The following THADA variants were observed in gnomAD, a reference collection of about 807,000 sequenced individuals.
THADA encodes tRNA (32-2'-O)-methyltransferase regulator THADA.
In THADA, 213 loss-of-function variants were observed where a neutral mutation model predicts 219.8. That is an observed-to-expected ratio of 0.97 (90% CI 0.87 to 1.09). The LOEUF (loss-of-function observed/expected upper bound fraction) is 1.09. Ranked by LOEUF, THADA falls within the 50% of genes least tolerant of loss-of-function variation. The pLI is 0.00. For synonymous variants in THADA, 1,018 were observed against 828.9 expected, an observed-to-expected ratio of 1.23 and a Z score of -3.92; for missense variants, 2,956 against 2,311.3, an observed-to-expected ratio of 1.28 and a Z score of -5.72.
rs143275203 is a variant in THADA at position 43,549,324 on chromosome 2, G to A, written c.2992C>T (p.Arg998Ter). 1.0e-5 allele frequency: 16 copies of A among 1,602,850 alleles called. No homozygotes were observed. The highest frequency in any genetic ancestry group is 1.7e-5 in the Admixed American group (1 of 57,772). Residue 998 changes from arginine to a stop codon, truncating the protein, a stop_gained, in exon 20 of 38, where the codon CGA (arginine) becomes TGA (stop). Coordinates refer to ENST00000405975, the MANE Select transcript of THADA (RefSeq NM_022065.5). LOFTEE classifies it high-confidence loss of function. ...TGGTTAAAATAATCATTAGTATCTC[G>A]AGGCTGAATCTCATTCAGAATCATC... ...LQMILNEIQP[R>*]DTNDYFNQAK...
intron 26 of THADA, among the ~76,000 whole-genome samples, chr2:43,430,981 T>A (rs1679185087): frequency 6.6e-6 from 1 of 152,246 alleles, no homozygotes; most frequent in Admixed American, 6.5e-5. Context: ...GCTGAACTTG[T>A]AAGAATTATC....
chr2:43,415,115 A>C (rs1057345680), intron 28 of THADA, among the ~76,000 whole-genome samples: 2 of 152,226 alleles, frequency 1.3e-5, no homozygotes, highest in Non-Finnish European at 2.9e-5. Context: ...GTCAAAACCA[A>C]AGAAACGTAA....
At chr2:43,370,970 C>G (rs933374244) in intron 29 of THADA, among the ~76,000 whole-genome samples, 3 of 152,182 alleles carry the variant, frequency 2.0e-5, no homozygotes, top group Non-Finnish European at 2.9e-5. Flanking sequence ...AAGGTAAACT[C>G]CACAGTAACA....
chr2:43,377,016 C>A (rs1671457181), intron 29 of THADA, among the ~76,000 whole-genome samples: 1 of 152,134 alleles, frequency 6.6e-6, no homozygotes, highest in Non-Finnish European at 1.5e-5. Flanking sequence ...GCTCACAGGC[C>A]ACCCACAGGT....
chr2:43,346,509 A>G (rs968851574), intron 29 of THADA, among the ~76,000 whole-genome samples: 1 of 152,142 alleles, frequency 6.6e-6, no homozygotes, highest in African/African-American at 2.4e-5. Context: ...TCTGGTCCCA[A>G]AGAATTCTGA....
chr2:43,274,595 G>A (rs146145486), intron 36 of THADA, among the ~76,000 whole-genome samples: 22 of 152,156 alleles, frequency 1.4e-4, no homozygotes, highest in Non-Finnish European at 2.9e-4. Flanking sequence ...ATGCTGCAGC[G>A]GCTCAGGGAA....
At chr2:43,491,053 T>C (rs1048205430) in intron 25 of THADA, among the ~76,000 whole-genome samples, 5 of 152,196 alleles carry the variant, frequency 3.3e-5, no homozygotes, top group South Asian at 2.1e-4. Context: ...CCTAGATTTC[T>C]GTGTGACAGT....
rs369627486 is a variant in THADA, at chr2:43,428,182, C to A, written c.3976G>T (p.Val1326Leu). The A allele has an allele frequency of 5.0e-5, 81 of 1,608,550 alleles. 1 individual carries two copies. Among genetic ancestry groups the A allele is most frequent in the Admixed American group, 3.4e-4 (20 of 59,618 alleles). ...GGGGAAGCGTAGAGTCTCTCCAACACCAAAAGTAAGAGAAACATGCTTGGA... is the reference window on the plus strand; with the variant it reads ...GGGGAAGCGTAGAGTCTCTCCAACAACAAAAGTAAGAGAAACATGCTTGGA... Reference protein sequence around the residue: ...RHPSMFLLLLVLERLYASPMD... With the variant: ...RHPSMFLLLLLLERLYASPMD... The change falls in exon 28 of 38, where the codon GTG (valine) becomes TTG (leucine). Residue 1326 changes from valine (V) to leucine (L), a missense_variant. Transcript: ENST00000405975.
chr2:43,363,889 C>T (rs956644157), intron 29 of THADA, among the ~76,000 whole-genome samples: 2 of 152,008 alleles, frequency 1.3e-5, no homozygotes, highest in Non-Finnish European at 2.9e-5. Context: ...GGCACCATTG[C>T]ACTCAAGCCT....
chr2:43,479,131 T>C (rs929059063), intron 26 of THADA, among the ~76,000 whole-genome samples: 4 of 152,226 alleles, frequency 2.6e-5, no homozygotes, highest in Non-Finnish European at 5.9e-5. Flanking sequence ...CATTAATATT[T>C]ATAATCTTAT....
chr2:43,285,563 G>A (rs1673892597), intron 35 of THADA, among the ~76,000 whole-genome samples: 1 of 151,788 alleles, frequency 6.6e-6, no homozygotes, highest in Non-Finnish European at 1.5e-5. Context: ...CCCAGTCTCA[G>A]GTAGTTTTTT....
At chr2:43,357,182 G>T (rs1668961162) in intron 29 of THADA, among the ~76,000 whole-genome samples, 1 of 152,072 alleles carries the variant, frequency 6.6e-6, no homozygotes, top group African/African-American at 2.4e-5. Context: ...GCCAATAAAT[G>T]TATCAGAAAA....
intron 31 of THADA, among the ~76,000 whole-genome samples, chr2:43,302,626 A>G (rs1306510497): frequency 6.6e-6 from 1 of 152,190 alleles, no homozygotes; most frequent in Non-Finnish European, 1.5e-5. Context: ...GTAAGTTGCC[A>G]GCTTTTTATT....
At chr2:43,561,016 C>CA (rs3042329) in intron 15 of THADA, among the ~76,000 whole-genome samples, 2,135 of 91,880 alleles carry the variant, frequency 0.023, 45 homozygotes, top group Non-Finnish European at 0.026. Flanking sequence ...GACTTGGTCT[C>CA]AAAAAAAAAA....
intron 20 of THADA, among the ~76,000 whole-genome samples, chr2:43,544,516 G>A (rs1055953152): frequency 6.6e-6 from 1 of 152,150 alleles, no homozygotes; most frequent in Non-Finnish European, 1.5e-5. Context: ...AGCATGGAAT[G>A]TTCTTCCATT....
intron 24 of THADA, among the ~76,000 whole-genome samples, chr2:43,502,616 AG>A (rs1415446256): frequency 6.6e-6 from 1 of 151,346 alleles, no homozygotes; most frequent in Non-Finnish European, 1.5e-5. Context: ...AGAAAGAAAA[AG>A]AAAAAAGAAA....
At chr2:43,234,360 T>C (rs1359559207) in intron 36 of THADA, among the ~76,000 whole-genome samples, 1 of 152,192 alleles carries the variant, frequency 6.6e-6, no homozygotes, top group Non-Finnish European at 1.5e-5. Flanking sequence ...GTGAAAGTAC[T>C]GATCTCACCA....
At chr2:43,306,362 G>C (rs1343833550) in intron 31 of THADA, among the ~76,000 whole-genome samples, 1 of 152,198 alleles carries the variant, frequency 6.6e-6, no homozygotes, top group Non-Finnish European at 1.5e-5. Context: ...TTGGGAATCA[G>C]AAATTTGTCC....
intron 30 of THADA, among the ~76,000 whole-genome samples, chr2:43,321,503 C>T (rs1678711828): frequency 6.6e-6 from 1 of 152,170 alleles, no homozygotes; most frequent in African/African-American, 2.4e-5. Context: ...GTACTGTCCT[C>T]ATGAATGAAT....
Sources: allele counts gnomAD v4.1 joint callset (sites outside exome capture counted in the v4.1 genomes callset), GRCh38; gene constraint gnomAD v4.1.1; transcripts MANE v1.5; gene names NCBI Gene and HGNC (gene_info 2026-07-23, HGNC 2026-07-21).